Variants in NRXN3 observed in about 807,000 individuals in gnomAD.
The protein encoded by NRXN3 is neurexin 3.
NRXN3 carries 32 observed loss-of-function variants against 137.6 expected under a neutral mutation model. The ratio of observed to expected loss-of-function variants is 0.23; its 90% confidence interval spans 0.18 to 0.31. NRXN3 has a LOEUF of 0.31. NRXN3 is among the 10% of genes least tolerant of loss of function. The probability of loss-of-function intolerance (pLI) is 1.00; values close to 1 mark genes in which losing one functional copy is unlikely to be tolerated. For synonymous variants in NRXN3, 798 were observed against 784.5 expected, an observed-to-expected ratio of 1.02 and a Z score of -0.29; for missense variants, 1,574 against 2,062.5, an observed-to-expected ratio of 0.76 and a Z score of 4.59.
intron 16 of NRXN3, among the ~76,000 whole-genome samples, chr14:79,604,129 G>A (rs1211277057): frequency 6.6e-6 from 1 of 152,000 alleles, no homozygotes; most frequent in Non-Finnish European, 1.5e-5. Context: ...CTGACTTCAT[G>A]ATCTGCCCGC....
At chr14:79,049,729 T>C (rs2099639162) in intron 15 of NRXN3, among the ~76,000 whole-genome samples, 1 of 152,096 alleles carries the variant, frequency 6.6e-6, no homozygotes, top group African/African-American at 2.4e-5. Flanking sequence ...TACTCCTCGA[T>C]CCCTTCAATT....
chr14:78,789,789 C>G (rs2098799907), intron 8 of NRXN3, among the ~76,000 whole-genome samples: 1 of 152,078 alleles, frequency 6.6e-6, no homozygotes, highest in Non-Finnish European at 1.5e-5. Flanking sequence ...CTTCTCTTTG[C>G]TCTTTACTCT....
At position 79,578,876 on chromosome 14, in the gene NRXN3, A is replaced by G. The variant is rs949656298; in HGVS notation, c.3445-84902A>G. Among the ~76,000 whole-genome samples, 3 of 152,240 alleles carry G rather than the reference A, an allele frequency of 2.0e-5. No individual in the cohort carries two copies. In the East Asian group the frequency reaches 5.8e-4, roughly 29 times the overall value. ...ATTTAAATCAAGAATCTATATGTAC[A>G]GTGGCATACCCAGGGTATGTGGCTG... On this transcript the variant is annotated intron_variant, in intron 16 of 20. Transcript: ENST00000335750.
intron 8 of NRXN3, among the ~76,000 whole-genome samples, chr14:78,797,349 G>A (rs928174876): frequency 6.6e-6 from 1 of 152,160 alleles, no homozygotes; most frequent in East Asian, 1.9e-4. Context: ...AACAGGAAAT[G>A]TGACCCATAC....
chr14:78,379,436 G>T (rs1167513058), intron 4 of NRXN3, among the ~76,000 whole-genome samples: 1 of 152,304 alleles, frequency 6.6e-6, no homozygotes, highest in East Asian at 1.9e-4. Context: ...GTAGAAGGGT[G>T]CAGGGAATGC....
intron 15 of NRXN3, among the ~76,000 whole-genome samples, chr14:79,336,987 A>T (rs573823102): frequency 7.6e-4 from 116 of 151,948 alleles, no homozygotes; most frequent in Non-Finnish European, 1.5e-3. Flanking sequence ...CATACTTTAA[A>T]CTCCTTGGGA....
chr14:79,387,958 TG>T (rs2094694216), intron 15 of NRXN3, among the ~76,000 whole-genome samples: 1 of 61,972 alleles, frequency 1.6e-5, no homozygotes, highest in Non-Finnish European at 2.9e-5. Context: ...TGTTGTGGGG[TG>T]GGGGGAGGGG....
chr14:78,372,695 G>T (rs1002632141), intron 4 of NRXN3, among the ~76,000 whole-genome samples: 11 of 152,090 alleles, frequency 7.2e-5, no homozygotes, highest in African/African-American at 2.7e-4. Flanking sequence ...CAACATATTG[G>T]TGCTGTGCAT....
At chr14:78,411,108 A>C (rs1598367533) in intron 4 of NRXN3, among the ~76,000 whole-genome samples, 2 of 152,350 alleles carry the variant, frequency 1.3e-5, no homozygotes, top group African/African-American at 4.8e-5. Flanking sequence ...AACTCATGCA[A>C]GCTTGGCCAA....
At chr14:79,549,729 A>G (rs2097355583) in intron 16 of NRXN3, among the ~76,000 whole-genome samples, 1 of 152,110 alleles carries the variant, frequency 6.6e-6, no homozygotes, top group Non-Finnish European at 1.5e-5. Flanking sequence ...TGTTGCCTTC[A>G]AAAATGCAGA....
chr14:79,828,918 T>C (rs942116816), intron 20 of NRXN3, among the ~76,000 whole-genome samples: 4 of 152,180 alleles, frequency 2.6e-5, no homozygotes, highest in African/African-American at 9.6e-5. Context: ...GTTTCCTCCA[T>C]GTTGTGCTGG....
intron 8 of NRXN3, among the ~76,000 whole-genome samples, chr14:78,729,498 A>T (rs141206924): frequency 6.6e-6 from 1 of 152,332 alleles, no homozygotes; most frequent in East Asian, 1.9e-4. Flanking sequence ...AGGATTGAGA[A>T]AAGCAGTCAG....
chr14:79,062,123 AG>A (rs569655459), intron 15 of NRXN3, among the ~76,000 whole-genome samples: 90 of 152,322 alleles, frequency 5.9e-4, no homozygotes, highest in Middle Eastern at 3.4e-3. Flanking sequence ...GGTCCCCATT[AG>A]GAGCTGTACT....
chr14:79,698,516 A>T (rs2154029954), intron 19 of NRXN3, among the ~76,000 whole-genome samples: 1 of 152,168 alleles, frequency 6.6e-6, no homozygotes, highest in Non-Finnish European at 1.5e-5. Flanking sequence ...TATTTGATCA[A>T]GATACTAATT....
At chr14:79,844,635 A>G (rs1314612864) in intron 20 of NRXN3, among the ~76,000 whole-genome samples, 1 of 152,178 alleles carries the variant, frequency 6.6e-6, no homozygotes, top group Non-Finnish European at 1.5e-5. Context: ...CTAGGTCTCA[A>G]CAATGGACTT....
At chr14:78,522,294 G>T (rs574804153) in intron 4 of NRXN3, among the ~76,000 whole-genome samples, 1 of 152,226 alleles carries the variant, frequency 6.6e-6, no homozygotes, top group East Asian at 1.9e-4. Flanking sequence ...AAGTAGCTTG[G>T]TAAGTGTTAC....
At chr14:79,477,926 CAG>C (rs992807254) in intron 16 of NRXN3, among the ~76,000 whole-genome samples, 2 of 151,852 alleles carry the variant, frequency 1.3e-5, no homozygotes, top group African/African-American at 2.4e-5. Flanking sequence ...AAAAACAAAA[CAG>C]GGGACAGATA....
rs985767457 is a variant in NRXN3 at position 79,866,150 on chromosome 14, A to G, written c.*4186A>G. On this transcript the variant is annotated 3_prime_UTR_variant, in exon 21 of 21. Transcript: ENST00000335750. ...ATACAGGTCCAGTCTCTCTTTGCTC[A>G]TATTCAAATTGAAGTTTGATCTTTC... is the stretch of plus-strand genomic sequence containing the variant. 1.3e-5 allele frequency: 2 copies of G among 152,200 alleles called. No homozygotes were observed. Among genetic ancestry groups the G allele is most frequent in the African/African-American group, 4.8e-5 (2 of 41,446 alleles). The allele number at this position is 152,200 out of a possible 1,614,324, so 9.4% of individuals were successfully genotyped here.
At chr14:78,371,930 T>G (rs1041016047) in intron 4 of NRXN3, among the ~76,000 whole-genome samples, 2 of 152,190 alleles carry the variant, frequency 1.3e-5, no homozygotes, top group African/African-American at 4.8e-5. Context: ...ATCCCCATTT[T>G]ACAGAACACA....
Sources: allele counts gnomAD v4.1 joint callset (sites outside exome capture counted in the v4.1 genomes callset), GRCh38; gene constraint gnomAD v4.1.1; transcripts MANE v1.5; gene names NCBI Gene and HGNC (gene_info 2026-07-23, HGNC 2026-07-21).